ADIPOR2: variants seen among roughly 807,000 people sequenced by gnomAD.
The protein encoded by ADIPOR2 is adiponectin receptor 2.
ADIPOR2 carries 18 observed loss-of-function variants against 40.9 expected under a neutral mutation model. That is an observed-to-expected ratio of 0.44 (90% CI 0.30 to 0.65). ADIPOR2 has a LOEUF of 0.65. ADIPOR2 is among the 30% of genes least tolerant of loss of function. The probability of loss-of-function intolerance (pLI) is 0.09; values close to 1 mark genes in which losing one functional copy is unlikely to be tolerated. For synonymous variants in ADIPOR2, 165 were observed against 166.4 expected, an observed-to-expected ratio of 0.99 and a Z score of 0.06; for missense variants, 283 against 479.2, an observed-to-expected ratio of 0.59 and a Z score of 3.82.
chr12:1,723,956 T>TGG (rs753689896), intron 1 of ADIPOR2, among the ~76,000 whole-genome samples: 6 of 151,888 alleles, frequency 4.0e-5, no homozygotes, highest in Non-Finnish European at 8.8e-5. Context: ...ATAAGCAAAA[T>TGG]GTTACTGGTA....
In ADIPOR2 at chr12:1,787,751, C is replaced by CCT; in HGVS notation, c.*1680_*1681dup. 1 of 152,334 alleles carries CCT rather than the reference C, an allele frequency of 6.6e-6. No individual in the cohort carries two copies. Among genetic ancestry groups the CCT allele is most frequent in the African/African-American group, 2.4e-5 (1 of 41,568 alleles). 9.4% of individuals were successfully genotyped at this position (152,334 alleles called of 1,614,324 possible). On this transcript the variant is annotated 3_prime_UTR_variant, in exon 8 of 8. Coordinates refer to ENST00000357103, the MANE Select transcript of ADIPOR2 (RefSeq NM_024551.3). ...GTGTTTGGGAATATGGGAAGGGTCT[C>CCT]CTATTTATTCAATAGAGTTTTCTCA...
intron 1 of ADIPOR2, among the ~76,000 whole-genome samples, chr12:1,748,198 GATCTCT>G (rs2094760042): frequency 6.6e-6 from 1 of 151,416 alleles, no homozygotes; most frequent in Non-Finnish European, 1.5e-5. Flanking sequence ...TCTCTTCATT[GATCTCT>G]ATCTGAGGTG....
intron 2 of ADIPOR2, among the ~76,000 whole-genome samples, chr12:1,762,778 C>T (rs1040278283): frequency 1.3e-5 from 2 of 152,136 alleles, no homozygotes; most frequent in African/African-American, 2.4e-5. Context: ...GATGAGGAAA[C>T]TGAGGTTTCA....
At chr12:1,696,930 C>A (rs7132033) in intron 1 of ADIPOR2, 3 of 152,786 alleles carry the variant, frequency 2.0e-5, no homozygotes, top group Admixed American at 6.6e-5. Flanking sequence ...CCCTAAAGTT[C>A]TTGTCCATAA....
At chr12:1,715,849 GTCAGCACCCTGTAAAATGGACCAA>G (rs2094686463) in intron 1 of ADIPOR2, among the ~76,000 whole-genome samples, 2 of 152,240 alleles carry the variant, frequency 1.3e-5, no homozygotes, top group South Asian at 2.1e-4. Flanking sequence ...AAATGGACCA[GTCAGCACCCTGTAAAATGGACCAA>G]TCAGTGCCCT....
intron 1 of ADIPOR2, among the ~76,000 whole-genome samples, chr12:1,704,242 T>C (rs934919345): frequency 6.6e-6 from 1 of 152,158 alleles, no homozygotes; most frequent in Non-Finnish European, 1.5e-5. Flanking sequence ...TTCACCAGGC[T>C]GCTTCATATA....
At chr12:1,778,822 C>G (rs1194612817) in intron 4 of ADIPOR2, among the ~76,000 whole-genome samples, 1 of 152,114 alleles carries the variant, frequency 6.6e-6, no homozygotes, top group Non-Finnish European at 1.5e-5. Context: ...TCCTACAACT[C>G]AACAATAAAG....
intron 1 of ADIPOR2, among the ~76,000 whole-genome samples, chr12:1,752,189 A>G (rs1445063981): frequency 6.9e-6 from 1 of 144,416 alleles, no homozygotes; most frequent in African/African-American, 2.5e-5. Flanking sequence ...TCGGCCCCCC[A>G]AAGTGCTGGG....
intron 1 of ADIPOR2, among the ~76,000 whole-genome samples, chr12:1,698,825 C>T (rs1040404829): frequency 3.3e-5 from 5 of 151,664 alleles, no homozygotes; most frequent in African/African-American, 4.8e-5. Context: ...AAACTCTCAC[C>T]AGAAATGTGG....
intron 2 of ADIPOR2, chr12:1,757,630 C>T: frequency 7.7e-7 from 1 of 1,298,058 alleles, no homozygotes; most frequent in Non-Finnish European, 1.1e-6. Flanking sequence ...TCCTTTTGTG[C>T]CCCCAGAGAT....
chr12:1,711,333 A>G (rs538752395), intron 1 of ADIPOR2, among the ~76,000 whole-genome samples: 79 of 152,196 alleles, frequency 5.2e-4, no homozygotes, highest in South Asian at 4.1e-3. Flanking sequence ...TCCTAACCCT[A>G]TAAGTAGGGG....
chr12:1,748,254 TA>T (rs1369111219), intron 1 of ADIPOR2, among the ~76,000 whole-genome samples: 8 of 152,140 alleles, frequency 5.3e-5, no homozygotes, highest in Non-Finnish European at 1.2e-4. Flanking sequence ...ATTATTTATT[TA>T]TTCTTTTTTT....
chr12:1,754,015 A>G (rs535535745), intron 1 of ADIPOR2, among the ~76,000 whole-genome samples: 2 of 152,340 alleles, frequency 1.3e-5, no homozygotes, highest in Admixed American at 6.5e-5. Context: ...ATGCACTTAC[A>G]TATACTTACA....
chr12:1,757,279 A>T, intron 2 of ADIPOR2: 1 of 610,042 alleles, frequency 1.6e-6, no homozygotes, highest in African/African-American at 1.8e-5. Context: ...TCTTTTCAGC[A>T]ATGGTGAGGC....
chr12:1,741,003 A>G (rs1277095225), intron 1 of ADIPOR2, among the ~76,000 whole-genome samples: 2 of 152,174 alleles, frequency 1.3e-5, no homozygotes, highest in East Asian at 3.9e-4. Flanking sequence ...GTTCCCAGGC[A>G]TGTTTCTAGG....
At chr12:1,735,419 T>C (rs1166533642) in intron 1 of ADIPOR2, among the ~76,000 whole-genome samples, 1 of 152,254 alleles carries the variant, frequency 6.6e-6, no homozygotes, top group East Asian at 1.9e-4. Flanking sequence ...TTTATAAGAA[T>C]GCTTGTGATT....
At chr12:1,775,436 C>T (rs1238570538) in intron 3 of ADIPOR2, among the ~76,000 whole-genome samples, 2 of 152,114 alleles carry the variant, frequency 1.3e-5, no homozygotes, top group Non-Finnish European at 2.9e-5. Flanking sequence ...GTATTTAGAC[C>T]ACTAGAACAT....
At position 1,748,384 on chromosome 12, in the gene ADIPOR2, A is replaced by G. The variant is rs562323401; in HGVS notation, c.-86-5874A>G. Among the ~76,000 whole-genome samples the G allele has an allele frequency of 4.7e-3, 715 of 151,858 alleles. 1 individual carries two copies. Among genetic ancestry groups the G allele is most frequent in the Middle Eastern group, 0.014 (4 of 294 alleles). ...CTGCCTCAGCCTCCCGAGTAGCTGG[A>G]ACTACAGGTGCCCGCCACCACGCCT... On this transcript the variant is annotated intron_variant, in intron 1 of 7. Coordinates refer to ENST00000357103, the MANE Select transcript of ADIPOR2 (RefSeq NM_024551.3).
rs540588742 is a variant in ADIPOR2 at position 1,755,443 on chromosome 12, G to C, written c.171+929G>C. On this transcript the variant is annotated intron_variant, in intron 2 of 7. Transcript: ENST00000357103. Reference sequence around the variant, plus strand: ...TGAAGGGAGAAGACGTGGTCTATGGGTACCATATAATCTAATTTAACCATA... The same window carrying C: ...TGAAGGGAGAAGACGTGGTCTATGGCTACCATATAATCTAATTTAACCATA... Among the ~76,000 whole-genome samples the C allele has an allele frequency of 4.6e-5, 7 of 152,276 alleles. No individual in the cohort carries two copies. The South Asian group carries it at 1.5e-3, about 32-fold the overall frequency.
Sources: allele counts gnomAD v4.1 joint callset (sites outside exome capture counted in the v4.1 genomes callset), GRCh38; gene constraint gnomAD v4.1.1; transcripts MANE v1.5; gene names NCBI Gene and HGNC (gene_info 2026-07-23, HGNC 2026-07-21).